RORB: variants seen among roughly 807,000 people sequenced by gnomAD.
RORB encodes nuclear receptor ROR-beta.
RORB carries 6 observed loss-of-function variants against 59.1 expected under a neutral mutation model. The ratio of observed to expected loss-of-function variants is 0.10; its 90% confidence interval spans 0.06 to 0.20. RORB has a LOEUF of 0.20. Among genes scored for constraint, RORB ranks in the 10% least tolerant of loss-of-function variants. The probability of loss-of-function intolerance (pLI) is 1.00; values close to 1 mark genes in which losing one functional copy is unlikely to be tolerated. For synonymous variants in RORB, 215 were observed against 204.5 expected (o/e 1.05, Z -0.44); for missense variants, 320 against 560.5 (o/e 0.57, Z 4.33).
intron 1 of RORB, among the ~76,000 whole-genome samples, chr9:74,616,209 T>C (rs1485520670): frequency 6.6e-5 from 10 of 152,196 alleles, no homozygotes; most frequent in African/African-American, 2.4e-4. Flanking sequence ...TCTCATAATA[T>C]AGGCAAATTT....
intron 1 of RORB, among the ~76,000 whole-genome samples, chr9:74,503,178 T>C (rs887342107): frequency 6.6e-6 from 1 of 152,084 alleles, no homozygotes; most frequent in Non-Finnish European, 1.5e-5. Flanking sequence ...TAATGAATGA[T>C]GACCTTTGAT....
At position 74,691,594 on chromosome 9, in the gene RORB, A is replaced by G. The variant is rs548814897; in HGVS notation, c.*5976A>G. ...GCTTGTGGAAGGTCTAATACAATGT[A>G]TGCTGTCTCTGTAATTTTTGCTGTA... On this transcript the variant is annotated 3_prime_UTR_variant, in exon 10 of 10. Transcript: ENST00000376896. The G allele has an allele frequency of 6.6e-6, 1 of 152,350 alleles. No homozygotes were observed. Among genetic ancestry groups the G allele is most frequent in the South Asian group, 2.1e-4 (1 of 4,830 alleles). The allele number at this position is 152,350 out of a possible 1,614,324, so 9.4% of individuals were successfully genotyped here. A position where few individuals can be genotyped will look rare whatever the true frequency, so the allele number is the denominator to read the frequency against.
Position 74,583,137 on chromosome 9 carries a change from C to T in RORB, c.8-47145C>T, listed in dbSNP as rs140189197. ...CCTCTTTCCCCAAAAGTCTGCAAGG[C>T]ATACCACTTCAAGGACTGACACAAA... is the stretch of plus-strand genomic sequence containing the variant. On this transcript the variant is annotated intron_variant, in intron 1 of 9. Coordinates refer to ENST00000376896, the MANE Select transcript of RORB (RefSeq NM_006914.4). Among the ~76,000 whole-genome samples the T allele has an allele frequency of 7.6e-4, 115 of 152,278 alleles. No individual in the cohort carries two copies. The East Asian group carries it at 0.014, about 18-fold the overall frequency.
chr9:74,627,016 G>C (rs1449721501), intron 1 of RORB, among the ~76,000 whole-genome samples: 1 of 151,960 alleles, frequency 6.6e-6, no homozygotes, highest in Non-Finnish European at 1.5e-5. Context: ...ACAAAAATTA[G>C]CTGGGCATGG....
rs1437285109 is a variant in RORB, at chr9:74,688,365, C to T, written c.*2747C>T. ...TGGTAAAAAGCCTTAAAAAGCTGCC[C>T]TTCGAAGATCTCCTATGACTGCATG... On this transcript the variant is annotated 3_prime_UTR_variant, in exon 10 of 10. Transcript: ENST00000376896. The T allele has an allele frequency of 6.6e-6, 1 of 152,120 alleles. No individual in the cohort carries two copies. The highest frequency in any genetic ancestry group is 2.4e-5 in the African/African-American group (1 of 41,422). 9.4% of individuals were successfully genotyped at this position (152,120 alleles called of 1,614,324 possible). A position where few individuals can be genotyped will look rare whatever the true frequency, so the allele number is the denominator to read the frequency against.
intron 1 of RORB, among the ~76,000 whole-genome samples, chr9:74,601,509 A>G (rs766191645): frequency 1.3e-5 from 2 of 152,070 alleles, no homozygotes; most frequent in Admixed American, 1.3e-4. Flanking sequence ...GAGATATTTT[A>G]TGCATAAACA....
chr9:74,632,858 T>C (rs1823641544), intron 2 of RORB, among the ~76,000 whole-genome samples: 1 of 152,180 alleles, frequency 6.6e-6, no homozygotes, highest in Admixed American at 6.5e-5. Context: ...TTTCAATCCC[T>C]GGGAGCTTAC....
intron 1 of RORB, among the ~76,000 whole-genome samples, chr9:74,620,027 G>C (rs1823385953): frequency 6.6e-6 from 1 of 152,186 alleles, no homozygotes; most frequent in African/African-American, 2.4e-5. Flanking sequence ...TCTCTGCCAG[G>C]CTTTGGTATC....
intron 1 of RORB, among the ~76,000 whole-genome samples, chr9:74,584,129 T>C (rs1822763730): frequency 6.6e-6 from 1 of 152,228 alleles, no homozygotes; most frequent in Non-Finnish European, 1.5e-5. Flanking sequence ...ATTAATATCA[T>C]GAAATAGGCT....
At chr9:74,591,504 TAAAAC>T (rs1348980021) in intron 1 of RORB, among the ~76,000 whole-genome samples, 2 of 152,184 alleles carry the variant, frequency 1.3e-5, no homozygotes, top group Non-Finnish European at 2.9e-5. Context: ...GTAATCTAAA[TAAAAC>T]AAAGCCATAA....
Position 74,689,430 on chromosome 9 carries a change from A to T in RORB, c.*3812A>T, listed in dbSNP as rs1475633445. On this transcript the variant is annotated 3_prime_UTR_variant, in exon 10 of 10. Transcript: ENST00000376896. ...TCAGTGGCTCTTTTATCCCCCAAAGACTGAAAGCTGAAGGTGGAGATGTTC... is the reference window on the plus strand; with the variant it reads ...TCAGTGGCTCTTTTATCCCCCAAAGTCTGAAAGCTGAAGGTGGAGATGTTC... 6.6e-6 allele frequency: 1 copy of T among 152,034 alleles called. No individual in the cohort carries two copies. The highest frequency in any genetic ancestry group is 1.5e-5 in the Non-Finnish European group (1 of 68,026). 9.4% of individuals were successfully genotyped at this position (152,034 alleles called of 1,614,324 possible).
intron 1 of RORB, chr9:74,498,316 C>T: frequency 2.6e-6 from 1 of 387,224 alleles, no homozygotes; most frequent in South Asian, 4.4e-5. Context: ...TGGAGAAAGC[C>T]GAAAGAGGGA....
rs1208986511 is a variant in RORB at position 74,601,993 on chromosome 9, C to A, written c.8-28289C>A. 3.9e-5 allele frequency among the ~76,000 whole-genome samples: 6 copies of A among 152,180 alleles called. No homozygotes were observed. The South Asian group carries it at 1.2e-3, about 32-fold the overall frequency. On this transcript the variant is annotated intron_variant, in intron 1 of 9. Coordinates refer to ENST00000376896, the MANE Select transcript of RORB (RefSeq NM_006914.4). ...TTAGCTTCTCACACGGTCAGCAGAA[C>A]GGTGTGCTGGCCAGTCCCACACCGA...
At chr9:74,619,172 A>G (rs943870309) in intron 1 of RORB, among the ~76,000 whole-genome samples, 1 of 152,138 alleles carries the variant, frequency 6.6e-6, no homozygotes, top group Middle Eastern at 3.2e-3. Flanking sequence ...TCACTCTTCA[A>G]CCACCAACTT....
At chr9:74,649,353 G>C (rs1404784153) in intron 4 of RORB, among the ~76,000 whole-genome samples, 4 of 152,230 alleles carry the variant, frequency 2.6e-5, no homozygotes, top group African/African-American at 9.6e-5. Flanking sequence ...ACCTTGTTCT[G>C]TGCCAACCAC....
intron 4 of RORB, among the ~76,000 whole-genome samples, chr9:74,649,789 A>G (rs1223508110): frequency 6.6e-6 from 1 of 152,222 alleles, no homozygotes; most frequent in Non-Finnish European, 1.5e-5. Context: ...CTTACAGTAC[A>G]TGTGTGCATA....
At chr9:74,530,867 TC>T (rs1304703040) in intron 1 of RORB, among the ~76,000 whole-genome samples, 18 of 151,716 alleles carry the variant, frequency 1.2e-4, no homozygotes, top group African/African-American at 4.4e-4. Flanking sequence ...ATGCTATCCT[TC>T]CCCCTACCCC....
chr9:74,592,111 C>G (rs972095053), intron 1 of RORB, among the ~76,000 whole-genome samples: 1 of 152,178 alleles, frequency 6.6e-6, no homozygotes, highest in Non-Finnish European at 1.5e-5. Context: ...GCCATCCATA[C>G]TCACTTGGAT....
chr9:74,582,887 C>T (rs1822745399), intron 1 of RORB, among the ~76,000 whole-genome samples: 1 of 152,158 alleles, frequency 6.6e-6, no homozygotes, highest in Non-Finnish European at 1.5e-5. Context: ...AAAAGATTCA[C>T]TTTTTGGTAG....
Sources: gnomAD v4.1 joint callset for allele counts (sites outside exome capture counted in the v4.1 genomes callset) on GRCh38, gnomAD v4.1.1 for gene constraint, MANE v1.5 for transcripts, NCBI Gene and HGNC (gene_info 2026-07-23, HGNC 2026-07-21) for gene names.